BICC1: variants seen among roughly 807,000 people sequenced by gnomAD.
BICC1 encodes protein bicaudal C homolog 1.
BICC1 carries 43 observed loss-of-function variants against 111.0 expected under a neutral mutation model. The ratio of observed to expected loss-of-function variants is 0.39; its 90% CI spans 0.30 to 0.50. BICC1 has a LOEUF of 0.50. BICC1 is among the 20% of genes least tolerant of loss of function. The pLI is 0.88. For synonymous variants in BICC1, 467 were observed against 434.4 expected, an observed-to-expected ratio of 1.07 and a Z score of -0.93; for missense variants, 1,091 against 1,203.2, an observed-to-expected ratio of 0.91 and a Z score of 1.38.
chr10:58,826,259 ATT>A (rs1264597608), intron 20 of BICC1, among the ~76,000 whole-genome samples: 1 of 152,224 alleles, frequency 6.6e-6, no homozygotes, highest in Non-Finnish European at 1.5e-5. Context: ...TGGTATGTTA[ATT>A]GTAGAAAGAG....
intron 2 of BICC1, among the ~76,000 whole-genome samples, chr10:58,629,105 G>C (rs917921095): frequency 6.6e-6 from 1 of 152,206 alleles, no homozygotes; most frequent in Non-Finnish European, 1.5e-5. Flanking sequence ...CCTTGAGTTA[G>C]CTGGGGGAAA....
At chr10:58,766,062 T>C (rs924407885) in intron 3 of BICC1, among the ~76,000 whole-genome samples, 1 of 152,210 alleles carries the variant, frequency 6.6e-6, no homozygotes, top group Non-Finnish European at 1.5e-5. Flanking sequence ...CCCTTTTGGC[T>C]CACTTCAGTT....
intron 3 of BICC1, among the ~76,000 whole-genome samples, chr10:58,719,772 A>G (rs2132518466): frequency 6.6e-6 from 1 of 152,342 alleles, no homozygotes; most frequent in South Asian, 2.1e-4. Flanking sequence ...TTATCATTAG[A>G]TTTAGGATAA....
In BICC1 at chr10:58,817,596, C is replaced by T. The variant is rs764077558; in HGVS notation, c.2568C>T (p.Asp856=). 2.2e-5 allele frequency: 36 copies of T among 1,613,438 alleles called. 2 individuals are homozygous for T. The South Asian group carries it at 3.7e-4, about 17-fold the overall frequency. Residue 856 remains aspartate (D), a synonymous_variant, in exon 19 of 21, where the codon GAC becomes GAT. Transcript: ENST00000373886. The part of the protein sequence containing the change: ...EHYLSSSNYM[D]CISSLTGSNG... ...ATCTCAGCAGTAGCAATTACATGGA[C>T]TGCATTTCCTCGCTGACAGGAAGCA...
At chr10:58,569,335 T>G (rs1843870032) in intron 1 of BICC1, among the ~76,000 whole-genome samples, 1 of 152,162 alleles carries the variant, frequency 6.6e-6, no homozygotes, top group South Asian at 2.1e-4. Flanking sequence ...GCAGTTCACC[T>G]CATCACAAGG....
intron 1 of BICC1, among the ~76,000 whole-genome samples, chr10:58,601,538 GTAGTTTTTCT>G (rs1303223612): frequency 2.0e-5 from 3 of 151,878 alleles, no homozygotes; most frequent in Admixed American, 2.0e-4. Context: ...GTTTGTGGCA[GTAGTTTTTCT>G]TCTTTCTCTT....
intron 1 of BICC1, among the ~76,000 whole-genome samples, chr10:58,579,580 T>C (rs547162970): frequency 5.9e-5 from 9 of 152,184 alleles, no homozygotes; most frequent in Non-Finnish European, 1.0e-4. Flanking sequence ...GCAGAGAAAT[T>C]TGGGGCTCTC....
intron 1 of BICC1, among the ~76,000 whole-genome samples, chr10:58,529,766 G>A (rs1842633150): frequency 6.6e-6 from 1 of 151,606 alleles, no homozygotes; most frequent in South Asian, 2.1e-4. Context: ...AACATTGTTG[G>A]CACTTATTAC....
intron 2 of BICC1, among the ~76,000 whole-genome samples, chr10:58,691,328 T>C (rs1839901515): frequency 6.6e-6 from 1 of 152,334 alleles, no homozygotes; most frequent in East Asian, 1.9e-4. Flanking sequence ...TAAATCTCTT[T>C]GTAGTTACCC....
chr10:58,648,977 A>G (rs981922404), intron 2 of BICC1, among the ~76,000 whole-genome samples: 2 of 152,180 alleles, frequency 1.3e-5, no homozygotes, highest in African/African-American at 4.8e-5. Flanking sequence ...TCTCCTTCAC[A>G]CTTAATGAGA....
In BICC1 at chr10:58,611,396, T is replaced by C. The variant is rs561908010; in HGVS notation, c.191-9459T>C. Among the ~76,000 whole-genome samples, 20 of 152,248 alleles carry C rather than the reference T, an allele frequency of 1.3e-4. No homozygotes were observed. The East Asian group carries it at 3.7e-3, about 28-fold the overall frequency. ...ATCCATATATCTAAATACATGTTTG[T>C]TTATATTTGTGTCTGTATATGTACA... On this transcript the variant is annotated intron_variant, in intron 1 of 20. Coordinates refer to ENST00000373886, the MANE Select transcript of BICC1 (RefSeq NM_001080512.3).
At chr10:58,818,304 A>G (rs981398943) in intron 19 of BICC1, among the ~76,000 whole-genome samples, 1 of 152,160 alleles carries the variant, frequency 6.6e-6, no homozygotes, top group Admixed American at 6.6e-5. Context: ...CTGATTAGCC[A>G]TATCCTATTA....
chr10:58,659,312 C>G (rs2132282112), intron 2 of BICC1, among the ~76,000 whole-genome samples: 1 of 152,192 alleles, frequency 6.6e-6, no homozygotes, highest in East Asian at 1.9e-4. Flanking sequence ...TTCACAATAA[C>G]AAAGACATGG....
At chr10:58,742,494 G>A (rs1254656316) in intron 3 of BICC1, among the ~76,000 whole-genome samples, 3 of 142,774 alleles carry the variant, frequency 2.1e-5, no homozygotes, top group African/African-American at 5.3e-5. Context: ...CTGGAGTGCA[G>A]TGGCACAATC....
In BICC1 at chr10:58,646,735, CAAGT is replaced by C. The variant is rs567522361; in HGVS notation, c.237+25836_237+25839del. 2.3e-3 allele frequency among the ~76,000 whole-genome samples: 344 copies of C among 152,174 alleles called. 3 individuals are homozygous for C. Among genetic ancestry groups the C allele is most frequent in the African/African-American group, 7.9e-3 (327 of 41,520 alleles). ...TGGAGATTCTTGTGAAAAATGTTAA[CAAGT>C]AGGTAGTGCTGTAGTTGGGAGATAT... is the stretch of plus-strand genomic sequence containing the variant. On this transcript the variant is annotated intron_variant, in intron 2 of 20. Coordinates refer to ENST00000373886, the MANE Select transcript of BICC1 (RefSeq NM_001080512.3).
intron 3 of BICC1, among the ~76,000 whole-genome samples, chr10:58,741,615 T>G (rs1026406121): frequency 6.6e-6 from 1 of 152,188 alleles, no homozygotes. Flanking sequence ...TTTTAAAAAA[T>G]TTCTTATAAG....
intron 3 of BICC1, among the ~76,000 whole-genome samples, chr10:58,754,595 A>G (rs557801043): frequency 6.6e-6 from 1 of 152,348 alleles, no homozygotes; most frequent in East Asian, 1.9e-4. Context: ...ACCTTTGCTC[A>G]GTACATGCCT....
chr10:58,799,245 A>G lies in BICC1; in HGVS notation c.1718A>G (p.His573Arg), dbSNP rs780599737. 1 of 1,596,766 alleles carries G rather than the reference A, an allele frequency of 6.3e-7. No homozygotes were observed. The highest frequency in any genetic ancestry group is 8.5e-7 in the Non-Finnish European group (1 of 1,169,882). Residue 573 changes from histidine to arginine, a missense_variant, in exon 12 of 21, where the codon CAT (histidine) becomes CGT (arginine). His to Arg is a conservative substitution (Grantham distance 29, BLOSUM62 0). Transcript: ENST00000373886. Reference sequence around the variant, plus strand: ...AAAATCTCTGCTGCTTTAAATGGACATGCACAGGTAATGGCCTTCTGCCAG... The same window carrying G: ...AAAATCTCTGCTGCTTTAAATGGACGTGCACAGGTAATGGCCTTCTGCCAG... ...GKKISAALNGHAQSPDIKYGA... is the reference protein window; with the variant it reads ...GKKISAALNGRAQSPDIKYGA...
intron 1 of BICC1, among the ~76,000 whole-genome samples, chr10:58,596,663 A>G (rs1246670011): frequency 1.3e-5 from 2 of 152,146 alleles, no homozygotes; most frequent in East Asian, 1.9e-4. Context: ...AAACCCCATC[A>G]TCTCAGCCCC....
Sources: gnomAD v4.1 joint callset for allele counts (sites outside exome capture counted in the v4.1 genomes callset) on GRCh38, gnomAD v4.1.1 for gene constraint, MANE v1.5 for transcripts, NCBI Gene and HGNC (gene_info 2026-07-23, HGNC 2026-07-21) for gene names.